The following MYL6B variants were observed in gnomAD, a reference collection of about 807,000 sequenced individuals.
MYL6B encodes myosin alkali light chain 1 slow a.
A neutral mutation model predicts 24.5 loss-of-function variants in MYL6B; 19 were observed. The ratio of observed to expected loss-of-function variants is 0.78; its 90% confidence interval spans 0.54 to 1.14. The LOEUF (loss-of-function observed/expected upper bound fraction) is 1.14. MYL6B is among the 50% of genes most tolerant of loss of function. MYL6B has a pLI of 0.00. For missense variants in MYL6B, 230 were observed against 263.8 expected, an observed-to-expected ratio of 0.87 and a Z score of 0.89; for synonymous variants, 90 against 100.7, an observed-to-expected ratio of 0.89 and a Z score of 0.64.
At chr12:56,157,355 C>G in intron 5 of MYL6B, 113 bp from the exon 6 acceptor site, 2 of 1,025,470 alleles carry the variant, frequency 2.0e-6, no homozygotes, top group South Asian at 2.9e-5. Context: ...CTCCACTGCA[C>G]TCCAGCCTGA....
chr12:56,153,482 C>T, intron 1 of MYL6B: 2 of 986,914 alleles, frequency 2.0e-6, no homozygotes, highest in Non-Finnish European at 2.4e-6. Flanking sequence ...TTAACTTGTT[C>T]CAGTTCACAC....
chr12:56,153,751 A>G (rs1871197351), intron 1 of MYL6B, 122 bp from the exon 2 acceptor site: 1 of 664,794 alleles, frequency 1.5e-6, no homozygotes, highest in Admixed American at 3.0e-5. Flanking sequence ...GAACCATAGG[A>G]GGCCAGGGGA....
intron 5 of MYL6B, among the ~76,000 whole-genome samples, chr12:56,156,633 G>A (rs927001626): frequency 6.6e-6 from 1 of 151,390 alleles, no homozygotes; most frequent in Non-Finnish European, 1.5e-5. Flanking sequence ...TGGGCTGGCC[G>A]GGAGCAGTGG....
intron 5 of MYL6B, chr12:56,157,189 G>A: frequency 2.5e-6 from 1 of 404,510 alleles, no homozygotes; most frequent in Non-Finnish European, 4.6e-6. Flanking sequence ...GAGGTCAAGA[G>A]TTTGAGAGCA....
In MYL6B at chr12:56,155,497, C is replaced by T. The variant is rs548174464; in HGVS notation, c.425C>T (p.Thr142Ile). The T allele has an allele frequency of 6.8e-5, 110 of 1,614,002 alleles. No individual in the cohort carries two copies. In the South Asian group the frequency reaches 1.1e-3, roughly 16 times the overall value. Residue 142 changes from threonine to isoleucine, a missense_variant, in exon 5 of 7, where the codon ACA becomes ATA. Physicochemically the swap from Thr to Ile is moderately conservative, Grantham distance 89. Coordinates refer to ENST00000553066, the Ensembl canonical transcript of MYL6B. ...GTGGCCAAGAACCGAGGCCAAGGCA[C>T]ATATGAGGACTACTTGGAGGGGTTT...
chr12:56,154,389 G>A (rs1871228294), intron 2 of MYL6B, among the ~76,000 whole-genome samples: 1 of 152,216 alleles, frequency 6.6e-6, no homozygotes, highest in Non-Finnish European at 1.5e-5. Flanking sequence ...CAGTTTCAAG[G>A]TGAAGGGAAG....
At chr12:56,155,462 G>A in exon 5 of MYL6B, 1 of 1,614,148 alleles carries the variant, frequency 6.2e-7, no homozygotes, top group Non-Finnish European at 8.5e-7. Flanking sequence ...TCCTGCCCAT[G>A]CTCCAGGCAG....
intron 2 of MYL6B, 152 bp from the exon 3 acceptor site, chr12:56,154,661 G>T: frequency 6.1e-6 from 5 of 817,672 alleles, no homozygotes; most frequent in Non-Finnish European, 9.9e-6. Flanking sequence ...TTCTCCCAAG[G>T]CCCAGAGCTG....
exon 2 of MYL6B, chr12:56,154,047 C>T: frequency 6.2e-7 from 1 of 1,614,018 alleles, no homozygotes; most frequent in Non-Finnish European, 8.5e-7. Flanking sequence ...TCCCCCAGGC[C>T]CCTCAGAAAA....
chr12:56,153,927 C>A (rs1871206316), exon 2 of MYL6B: 1 of 1,611,952 alleles, frequency 6.2e-7, no homozygotes, highest in Non-Finnish European at 8.5e-7. Context: ...TCATGCCTCC[C>A]AAGAAGGATG....
At chr12:56,155,657 G>C in intron 5 of MYL6B, 65 bp downstream of exon 5, 1 of 1,609,450 alleles carries the variant, frequency 6.2e-7, no homozygotes, top group Non-Finnish European at 8.5e-7. Flanking sequence ...GGGCCAGAAA[G>C]ACTGGACAGA....
In MYL6B at chr12:56,153,834, C is replaced by G. The variant is rs768888260; in HGVS notation, c.-46-39C>G. The stretch of plus-strand genomic sequence containing the variant: ...CCAACTGGCTCCCTGCCCCTGCCCC[C>G]GCCCCTTGACATCCCAGACTCCCTG... On this transcript the variant is annotated intron_variant, in intron 1 of 6. Transcript: ENST00000553066. The G allele has an allele frequency of 4.9e-6, 7 of 1,416,292 alleles. No individual in the cohort carries two copies. In the East Asian group the frequency reaches 1.4e-4, roughly 29 times the overall value. 87.7% of individuals were successfully genotyped at this position (1,416,292 alleles called of 1,614,324 possible). A position where few individuals can be genotyped will look rare whatever the true frequency, so the allele number is the denominator to read the frequency against.
At position 56,156,498 on chromosome 12, in the gene MYL6B, G is replaced by C. The variant is rs558556047; in HGVS notation, c.520+906G>C. Among the ~76,000 whole-genome samples the C allele has an allele frequency of 3.1e-4, 47 of 150,614 alleles. 1 individual carries two copies. The South Asian group carries it at 8.4e-3, about 27-fold the overall frequency. On this transcript the variant is annotated intron_variant, in intron 5 of 6. Coordinates refer to ENST00000553066, the Ensembl canonical transcript of MYL6B. ...CGGGTGCCTGTAATCCCAGCTACTT[G>C]GTAGGCTAAGGCAGGAGAATCGCTT...
intron 6 of MYL6B, 59 bp downstream of exon 6, chr12:56,157,604 C>G: frequency 6.2e-7 from 1 of 1,612,862 alleles, no homozygotes; most frequent in East Asian, 2.2e-5. Context: ...GGCGTCTTGC[C>G]GCGTGTGGGC....
chr12:56,157,073 T>A (rs1264704831), intron 5 of MYL6B: 1 of 153,674 alleles, frequency 6.5e-6, no homozygotes, highest in African/African-American at 2.5e-5. Context: ...AAATTACAAT[T>A]GTTATGTTTA....
chr12:56,157,675 C>G, intron 6 of MYL6B, 23 bp from the exon 7 acceptor site: 1 of 1,613,216 alleles, frequency 6.2e-7, no homozygotes, highest in Non-Finnish European at 8.5e-7. Context: ...TTCTGAAGCC[C>G]CTCTTGCCTC....
At position 56,155,041 on chromosome 12, in the gene MYL6B, TC is replaced by T. The variant is rs1394202900; in HGVS notation, c.203-12del. On this transcript the variant is annotated splice_polypyrimidine_tract_variant and intron_variant, in intron 3 of 6. Transcript: ENST00000553066. ...CCTAGTCAGTGTCTACACTGACCCT[TC>T]CTTATACTTTAGAGTTCAAGGAGGC... 1 of 1,605,298 alleles carries T rather than the reference TC, an allele frequency of 6.2e-7. No homozygotes were observed. Among genetic ancestry groups the T allele is most frequent in the African/African-American group, 1.3e-5 (1 of 74,606 alleles).
intron 5 of MYL6B, among the ~76,000 whole-genome samples, chr12:56,156,698 C>T (rs1033047350): frequency 2.0e-5 from 3 of 150,394 alleles, no homozygotes; most frequent in African/African-American, 7.4e-5. Context: ...ATCGCTTGAG[C>T]CCAGGAGTTC....
exon 2 of MYL6B, chr12:56,154,019 C>A (rs755588228): frequency 6.2e-7 from 1 of 1,614,144 alleles, no homozygotes; most frequent in Admixed American, 1.7e-5. Context: ...CCAGCCAAGA[C>A]CAAAGCTGAG....
Sources: allele counts gnomAD v4.1 joint callset (sites outside exome capture counted in the v4.1 genomes callset), GRCh38; gene constraint gnomAD v4.1.1; transcripts MANE v1.5; gene names NCBI Gene and HGNC (gene_info 2026-07-23, HGNC 2026-07-21).